ZMYND8: variants seen among roughly 807,000 people sequenced by gnomAD.
The protein encoded by ZMYND8 is MYND-type zinc finger-containing chromatin reader ZMYND8.
In ZMYND8, 37 loss-of-function variants were observed where a neutral mutation model predicts 140.8. The observed-to-expected ratio is 0.26, with a 90% CI of 0.20 to 0.35. The LOEUF (loss-of-function observed/expected upper bound fraction) is 0.35, where lower values mean the gene tolerates loss of function less well. Ranked by LOEUF, ZMYND8 falls within the 10% of genes least tolerant of loss-of-function variation. The pLI is 1.00. For synonymous variants in ZMYND8, 592 were observed against 597.1 expected, an observed-to-expected ratio of 0.99 and a Z score of 0.12; for missense variants, 1,068 against 1,570.0, an observed-to-expected ratio of 0.68 and a Z score of 5.40.
At chr20:47,228,685 G>T (rs2038044630) in intron 17 of ZMYND8, among the ~76,000 whole-genome samples, 1 of 152,122 alleles carries the variant, frequency 6.6e-6, no homozygotes, top group Non-Finnish European at 1.5e-5. Flanking sequence ...CTGTTGAAGG[G>T]ACCACCAGGT....
chr20:47,258,096 GT>G lies in ZMYND8; in HGVS notation c.1621+4191del, dbSNP rs535523362. Among the ~76,000 whole-genome samples, 41 of 152,308 alleles carry G rather than the reference GT, an allele frequency of 2.7e-4. No homozygotes were observed. In the South Asian group the frequency reaches 3.7e-3, roughly 14 times the overall value. On this transcript the variant is annotated intron_variant, in intron 12 of 22. Coordinates refer to ENST00000471951, the MANE Select transcript of ZMYND8 (RefSeq NM_001281775.3). ...AGTTCCTGTAATAATCTAGAGTTCT[GT>G]TTTTCCTGACAATTCAGTCCGACAA...
intron 8 of ZMYND8, chr20:47,285,654 T>G: frequency 1.0e-6 from 1 of 983,642 alleles, no homozygotes; most frequent in Non-Finnish European, 1.2e-6. Context: ...TTCCTAAAAA[T>G]TAAACTAAGG....
chr20:47,296,203 C>T (rs2148032305), intron 4 of ZMYND8, among the ~76,000 whole-genome samples: 1 of 152,342 alleles, frequency 6.6e-6, no homozygotes, highest in East Asian at 1.9e-4. Context: ...TTCCAGGTAA[C>T]TTATCCATGG....
chr20:47,218,501 C>T (rs1305000221), intron 21 of ZMYND8, among the ~76,000 whole-genome samples: 1 of 152,138 alleles, frequency 6.6e-6, no homozygotes, highest in Admixed American at 6.5e-5. Context: ...ACAAAAAACA[C>T]AAAACCAATA....
intron 1 of ZMYND8, chr20:47,349,757 G>A: frequency 2.8e-6 from 4 of 1,448,562 alleles, no homozygotes; most frequent in South Asian, 1.3e-5. Flanking sequence ...TCTTGAAACC[G>A]ATCCCATATT....
intron 11 of ZMYND8, among the ~76,000 whole-genome samples, chr20:47,273,859 T>C (rs2076103749): frequency 6.6e-6 from 1 of 152,174 alleles, no homozygotes; most frequent in Non-Finnish European, 1.5e-5. Flanking sequence ...ATACATACTA[T>C]CTAGCCCCTG....
rs1454228251 is a variant in ZMYND8, at chr20:47,210,827, G to A, written c.3639C>T (p.His1213=). ...GGCTCTTCGTGCTGGTACTGGTGTTGTGATCGGAACGTGTCGATCCCCTCT... is the reference window on the plus strand; with the variant it reads ...GGCTCTTCGTGCTGGTACTGGTGTTATGATCGGAACGTGTCGATCCCCTCT... ...DEKRGSTRSD[H]NTSTSTKSLL... Residue 1213 remains histidine (H), a synonymous_variant, in exon 23 of 23, where the codon CAC becomes CAT. Coordinates refer to ENST00000471951, the MANE Select transcript of ZMYND8 (RefSeq NM_001281775.3). 8 of 1,614,114 alleles carry A rather than the reference G, an allele frequency of 5.0e-6. No individual in the cohort carries two copies. Among genetic ancestry groups the A allele is most frequent in the Admixed American group, 1.7e-5 (1 of 60,020 alleles).
intron 14 of ZMYND8, among the ~76,000 whole-genome samples, chr20:47,239,355 T>G (rs943258504): frequency 5.9e-5 from 9 of 152,212 alleles, no homozygotes; most frequent in African/African-American, 1.7e-4. Flanking sequence ...GCGGCCTCCT[T>G]TACTGAGCGC....
intron 19 of ZMYND8, 122 bp downstream of exon 19, chr20:47,224,195 A>G: frequency 6.8e-7 from 1 of 1,480,210 alleles, no homozygotes; most frequent in Non-Finnish European, 9.1e-7. Flanking sequence ...TTTTTGAGTG[A>G]AAGTGTCCAG....
At chr20:47,303,708 G>A (rs961313167) in intron 3 of ZMYND8, among the ~76,000 whole-genome samples, 3 of 151,420 alleles carry the variant, frequency 2.0e-5, no homozygotes, top group East Asian at 1.9e-4. Context: ...AAAAAAAAAA[G>A]AAGCTGGAAG....
chr20:47,347,926 G>T lies in ZMYND8; in HGVS notation c.15C>A (p.Ser5Arg). 6.2e-7 allele frequency: 1 copy of T among 1,613,744 alleles called. No individual in the cohort carries two copies. MHPQ[S>R]LAEEEIKTEQ... Reference sequence around the variant, plus strand: ...CTGTTTTTATTTCCTCTTCAGCCAAGCTGAAACAGAGCAAATTATGTTCAT... The same window carrying T: ...CTGTTTTTATTTCCTCTTCAGCCAATCTGAAACAGAGCAAATTATGTTCAT... The change falls in exon 2 of 23, where the codon AGC becomes AGA. Residue 5 changes from serine to arginine, a missense_variant and splice_region_variant. This residue lies in a region of ZMYND8 where 77 missense variants were observed against 85.1 expected (regional missense o/e 0.91). Transcript: ENST00000471951.
chr20:47,212,797 T>C, intron 21 of ZMYND8, 72 bp from the exon 22 acceptor site: 1 of 1,399,072 alleles, frequency 7.1e-7, no homozygotes, highest in Non-Finnish European at 9.7e-7. Context: ...AAGTGCTTAC[T>C]ATTTTTGTTC....
intron 2 of ZMYND8, among the ~76,000 whole-genome samples, chr20:47,317,357 A>G (rs1182752961): frequency 1.3e-5 from 2 of 152,092 alleles, no homozygotes; most frequent in Non-Finnish European, 2.9e-5. Context: ...GCCTCCATCA[A>G]GGCTAGGCCT....
At chr20:47,281,950 A>G (rs2076632077) in intron 10 of ZMYND8, 152 bp downstream of exon 10, 4 of 676,004 alleles carry the variant, frequency 5.9e-6, no homozygotes, top group Non-Finnish European at 9.6e-6. Flanking sequence ...AGCTTAACAT[A>G]CCACAGGAAA....
At chr20:47,211,677 A>T (rs2035280473) in intron 22 of ZMYND8, among the ~76,000 whole-genome samples, 1 of 152,180 alleles carries the variant, frequency 6.6e-6, no homozygotes, top group Admixed American at 6.5e-5. Flanking sequence ...CCTTCCAGCC[A>T]AGCCCTAAGA....
chr20:47,320,391 C>T (rs1392185422), intron 2 of ZMYND8: 1 of 152,404 alleles, frequency 6.6e-6, no homozygotes, highest in African/African-American at 2.4e-5. Flanking sequence ...TCAGACCCAA[C>T]ATGTCACCCA....
intron 12 of ZMYND8, among the ~76,000 whole-genome samples, chr20:47,254,606 A>G (rs1413378911): frequency 2.0e-5 from 3 of 152,188 alleles, no homozygotes; most frequent in Non-Finnish European, 4.4e-5. Context: ...GGAGCACCTT[A>G]GCACTGCTGT....
At chr20:47,279,702 C>CA (rs2076484141) in intron 10 of ZMYND8, among the ~76,000 whole-genome samples, 2 of 149,934 alleles carry the variant, frequency 1.3e-5, no homozygotes, top group African/African-American at 4.9e-5. Flanking sequence ...GCAGCTTCTA[C>CA]AAAAAAGCAC....
At chr20:47,314,325 C>A (rs998618819) in intron 2 of ZMYND8, among the ~76,000 whole-genome samples, 2 of 152,048 alleles carry the variant, frequency 1.3e-5, no homozygotes, top group African/African-American at 4.8e-5. Context: ...ATGGTAAAAT[C>A]CTGTCTCTAC....
Sources: allele counts gnomAD v4.1 joint callset (sites outside exome capture counted in the v4.1 genomes callset), GRCh38; gene constraint gnomAD v4.1.1; regional missense constraint gnomAD v4.1.1; transcripts MANE v1.5; gene names NCBI Gene and HGNC (gene_info 2026-07-23, HGNC 2026-07-21).